Variants in SGCE observed in about 807,000 individuals in gnomAD.
SGCE encodes epsilon-sarcoglycan.
In SGCE, 26 loss-of-function variants were observed where a neutral mutation model predicts 57.8. The ratio of observed to expected loss-of-function variants is 0.45; its 90% confidence interval spans 0.33 to 0.62. The LOEUF is 0.62. Ranked by LOEUF, SGCE falls within the 20% of genes least tolerant of loss-of-function variation. The pLI, the probability that SGCE is intolerant of heterozygous loss-of-function variation, is 0.02. For synonymous variants in SGCE, 183 were observed against 189.5 expected (o/e 0.97, Z 0.28); for missense variants, 468 against 548.6 (o/e 0.85, Z 1.47).
Position 94,628,322 on chromosome 7 carries a change from A to C in SGCE, c.270T>G (p.Asn90Lys), listed in dbSNP as rs1376576453. Reference protein sequence around the residue: ...ISNDPITFNTNLMGYPDRPGW... With the variant: ...ISNDPITFNTKLMGYPDRPGW... ...CAGGTCGGTCTGGGTAACCCATTAA[A>C]TTTGTATTAAATGTTATGGGATCAT... Residue 90 changes from asparagine (N) to lysine (K), a missense_variant, in exon 3 of 11, where the codon AAT becomes AAG. Transcript: ENST00000648936. The C allele has an allele frequency of 3.7e-6, 6 of 1,611,242 alleles. No homozygotes were observed. Among genetic ancestry groups the C allele is most frequent in the Non-Finnish European group, 5.1e-6 (6 of 1,178,150 alleles).
chr7:94,644,574 C>T, intron 1 of SGCE: 1 of 1,078,886 alleles, frequency 9.3e-7, no homozygotes, highest in South Asian at 1.3e-5. Flanking sequence ...CCGGATATGC[C>T]AAATGAAATT....
intron 5 of SGCE, among the ~76,000 whole-genome samples, chr7:94,614,108 A>T (rs1220877821): frequency 3.5e-5 from 3 of 85,296 alleles, no homozygotes; most frequent in Non-Finnish European, 7.7e-5. Flanking sequence ...AATTGAAATC[A>T]AAAAAAAAAA....
chr7:94,644,255 G>A (rs1806769316), intron 1 of SGCE, among the ~76,000 whole-genome samples: 1 of 152,270 alleles, frequency 6.6e-6, no homozygotes, highest in Admixed American at 6.5e-5. Context: ...TCCAAAGGTG[G>A]CTGGCATGCC....
intron 5 of SGCE, among the ~76,000 whole-genome samples, chr7:94,604,321 T>A (rs1045674425): frequency 6.6e-6 from 1 of 151,834 alleles, no homozygotes; most frequent in Non-Finnish European, 1.5e-5. Context: ...TAAAATGAAG[T>A]AAAACCATCA....
At chr7:94,599,377 A>G in intron 8 of SGCE, 1 of 323,038 alleles carries the variant, frequency 3.1e-6, no homozygotes, top group South Asian at 6.3e-5. Flanking sequence ...GAAAACTTGT[A>G]TGAAAGGTCT....
chr7:94,600,760 A>G lies in SGCE; in HGVS notation c.923T>C (p.Leu308Ser). ...ATCCGTGTAATAGTCTCTGCTTTTC[A>G]AAGAATCAGAAGGGGGTTTGTATTC... Reference protein sequence around the residue: ...GGEYKPPSDSLKSRDYYTDFL... With the variant: ...GGEYKPPSDSSKSRDYYTDFL... Residue 308 changes from leucine (L) to serine (S), a missense_variant, in exon 7 of 11, where the codon TTG (leucine) becomes TCG (serine). Leu to Ser is a moderately radical substitution (Grantham distance 145, BLOSUM62 -2). Transcript: ENST00000648936. 10 of 1,613,790 alleles carry G rather than the reference A, an allele frequency of 6.2e-6. No individual in the cohort carries two copies. Among genetic ancestry groups the G allele is most frequent in the Non-Finnish European group, 6.8e-6 (8 of 1,179,852 alleles).
At chr7:94,625,350 G>A (rs980251935) in intron 3 of SGCE, 12 of 151,734 alleles carry the variant, frequency 7.9e-5, no homozygotes, top group Admixed American at 2.6e-4. Flanking sequence ...TGAAAGATAT[G>A]GTAAACTTTC....
At chr7:94,644,707 T>C (rs1050547490) in intron 1 of SGCE, 3 of 1,077,492 alleles carry the variant, frequency 2.8e-6, no homozygotes, top group Non-Finnish European at 3.8e-6. Context: ...AGAAGTTGGT[T>C]ATATAGCTCA....
At chr7:94,647,269 G>T (rs1807239876) in intron 1 of SGCE, among the ~76,000 whole-genome samples, 1 of 152,076 alleles carries the variant, frequency 6.6e-6, no homozygotes, top group African/African-American at 2.4e-5. Context: ...TCCTCATGTA[G>T]ATGACAGAAA....
At chr7:94,630,021 C>A (rs1804436984) in intron 1 of SGCE, 180 bp from the exon 2 acceptor site, 3 of 627,244 alleles carry the variant, frequency 4.8e-6, no homozygotes, top group Non-Finnish European at 5.3e-6. Flanking sequence ...GATTTCAGGA[C>A]AAAATGGGAA....
rs781781262 is a variant in SGCE, at chr7:94,598,842, C to T, written c.1186G>A (p.Glu396Lys). ...TCTGTGTGTAAAGGAGGTATGATTT[C>T]CCCAGTCACAGGGTGGAACACAGGA... Reference protein sequence around the residue: ...TLPVFHPVTGEIIPPLHTDNY... With the variant: ...TLPVFHPVTGKIIPPLHTDNY... Residue 396 changes from glutamate (E) to lysine (K), a missense_variant, in exon 9 of 11, where the codon GAA becomes AAA. Transcript: ENST00000648936. 8.7e-6 allele frequency: 14 copies of T among 1,613,128 alleles called. No individual in the cohort carries two copies. The highest frequency in any genetic ancestry group is 1.2e-5 in the Non-Finnish European group (14 of 1,179,126).
chr7:94,585,957 G>A lies in SGCE; in HGVS notation c.1298-442C>T, dbSNP rs73720691. Among the ~76,000 whole-genome samples the A allele has an allele frequency of 6.5e-3, 958 of 148,080 alleles. 7 individuals carry two copies. Among genetic ancestry groups the A allele is most frequent in the African/African-American group, 0.023 (933 of 40,290 alleles). On this transcript the variant is annotated intron_variant, in intron 10 of 10. Transcript: ENST00000648936. ...TTAGTGCAATTGTCAGCTTTTAACT[G>A]CTCTATTATCCCAGCTAGTGCTCAA...
chr7:94,638,216 CTA>C (rs1164502838), intron 1 of SGCE, among the ~76,000 whole-genome samples: 1 of 152,154 alleles, frequency 6.6e-6, no homozygotes, highest in African/African-American at 2.4e-5. Flanking sequence ...GTATGAAACT[CTA>C]TGTTTTCTTA....
intron 1 of SGCE, among the ~76,000 whole-genome samples, chr7:94,649,110 A>C (rs1807533159): frequency 6.6e-6 from 1 of 152,248 alleles, no homozygotes; most frequent in African/African-American, 2.4e-5. Flanking sequence ...CAGGATGCCA[A>C]AGATCTATTC....
chr7:94,591,775 G>A (rs1253254880), intron 9 of SGCE, among the ~76,000 whole-genome samples: 1 of 152,080 alleles, frequency 6.6e-6, no homozygotes, highest in Non-Finnish European at 1.5e-5. Context: ...AAATCACAAT[G>A]GGCTGGGCTA....
intron 1 of SGCE, among the ~76,000 whole-genome samples, chr7:94,646,130 T>C (rs2117072730): frequency 6.6e-6 from 1 of 152,324 alleles, no homozygotes; most frequent in East Asian, 1.9e-4. Context: ...TTAGCCAAGT[T>C]GAGGGCTGCA....
At chr7:94,599,920 C>A in intron 7 of SGCE, 197 bp from the exon 8 acceptor site, 1 of 427,344 alleles carries the variant, frequency 2.3e-6, no homozygotes, top group Non-Finnish European at 4.1e-6. Context: ...TGATGAGAAA[C>A]ACATAGAAAA....
At chr7:94,608,926 C>A (rs1367384859) in intron 5 of SGCE, among the ~76,000 whole-genome samples, 8 of 152,096 alleles carry the variant, frequency 5.3e-5, no homozygotes, top group Admixed American at 5.2e-4. Context: ...CAAAATGCAT[C>A]ACAGGTCTAC....
Position 94,588,876 on chromosome 7 carries a change from C to T in SGCE, c.1254-144G>A. The T allele has an allele frequency of 4.8e-6, 4 of 841,346 alleles. 1 individual carries two copies. The highest frequency in any genetic ancestry group is 4.4e-5 in the South Asian group (3 of 68,860). 52.1% of individuals were successfully genotyped at this position (841,346 alleles called of 1,614,324 possible). A position where few individuals can be genotyped will look rare whatever the true frequency, so the allele number is the denominator to read the frequency against. ...CACAATTCCCCTCCCCTTTCATGAG[C>T]TTACAGATGAGGAAACTGAGGTCTG... On this transcript the variant is annotated intron_variant, in intron 9 of 10. Transcript: ENST00000648936.
Sources: gnomAD v4.1 joint callset for allele counts (sites outside exome capture counted in the v4.1 genomes callset) on GRCh38, gnomAD v4.1.1 for gene constraint, MANE v1.5 for transcripts, NCBI Gene and HGNC (gene_info 2026-07-23, HGNC 2026-07-21) for gene names.